Variants in ARL3 observed in about 807,000 individuals in gnomAD.
ARL3 encodes ADP-ribosylation factor-like protein 3.
Under a neutral mutation model 26.0 loss-of-function variants are expected in ARL3, and 9 were observed. The observed-to-expected ratio is 0.35, with a 90% CI of 0.21 to 0.60. The LOEUF (loss-of-function observed/expected upper bound fraction) is 0.60. ARL3 is among the 20% of genes least tolerant of loss of function. ARL3 has a pLI of 0.78. For synonymous variants in ARL3, 71 were observed against 78.4 expected (o/e 0.91, Z 0.50); for missense variants, 158 against 215.7 (o/e 0.73, Z 1.67).
chr10:102,705,539 T>C (rs1426154779), intron 1 of ARL3, 50 bp from the exon 2 acceptor site: 1 of 1,467,752 alleles, frequency 6.8e-7, no homozygotes, highest in African/African-American at 1.4e-5. Context: ...CTGACTGTGA[T>C]ATTAACTGGA....
chr10:102,676,734 C>T lies in ARL3; in HGVS notation c.*160G>A, dbSNP rs2064132586. 1.5e-6 allele frequency: 1 copy of T among 682,730 alleles called. No individual in the cohort carries two copies. Among genetic ancestry groups the T allele is most frequent in the Non-Finnish European group, 2.5e-6 (1 of 392,814 alleles). The allele number at this position is 682,730 out of a possible 1,614,324, so 42.3% of individuals were successfully genotyped here. ...GAACCTCAGAGATCAGTTAAATCTA[C>T]TGCTGGAATGGGGATTCTTTCTAAA... is the stretch of plus-strand genomic sequence containing the variant. On this transcript the variant is annotated 3_prime_UTR_variant, in exon 6 of 6. Transcript: ENST00000260746.
chr10:102,701,350 C>T (rs562418433), intron 2 of ARL3, among the ~76,000 whole-genome samples: 2 of 152,148 alleles, frequency 1.3e-5, no homozygotes, highest in Non-Finnish European at 2.9e-5. Flanking sequence ...ATGTGGTAGC[C>T]TGTCAACACT....
chr10:102,682,228 A>C (rs2064158905), intron 5 of ARL3, among the ~76,000 whole-genome samples: 1 of 152,134 alleles, frequency 6.6e-6, no homozygotes, highest in Non-Finnish European at 1.5e-5. Context: ...ACTCCCCTGG[A>C]CAGTGGGCCT....
intron 5 of ARL3, 99 bp downstream of exon 5, chr10:102,685,717 A>C (rs941029240): frequency 1.6e-5 from 20 of 1,269,864 alleles, no homozygotes; most frequent in Non-Finnish European, 2.2e-5. Flanking sequence ...CATATCTTGG[A>C]ATGGCTCATC....
In ARL3 at chr10:102,685,727, C is replaced by A; in HGVS notation, c.501+89G>T. 4 of 1,354,970 alleles carry A rather than the reference C, an allele frequency of 3.0e-6. No individual in the cohort carries two copies. In the South Asian group the frequency reaches 5.8e-5, roughly 20 times the overall value. The allele number at this position is 1,354,970 out of a possible 1,614,324, so 83.9% of individuals were successfully genotyped here. On this transcript the variant is annotated intron_variant, in intron 5 of 5. Transcript: ENST00000260746. ...CCCTTCATATCTTGGAATGGCTCATCTGCCCATCAAGATCAGCCCAACCAA... is the reference window on the plus strand; with the variant it reads ...CCCTTCATATCTTGGAATGGCTCATATGCCCATCAAGATCAGCCCAACCAA...
At chr10:102,712,429 A>C (rs1304574399) in intron 1 of ARL3, among the ~76,000 whole-genome samples, 3 of 152,248 alleles carry the variant, frequency 2.0e-5, no homozygotes, top group Non-Finnish European at 4.4e-5. Flanking sequence ...AAACCAGATA[A>C]AGAATCCGGA....
At position 102,675,813 on chromosome 10, in the gene ARL3, C is replaced by T. The variant is rs1395458978; in HGVS notation, c.*1081G>A. The T allele has an allele frequency of 3.9e-5, 6 of 152,536 alleles. No homozygotes were observed. Among genetic ancestry groups the T allele is most frequent in the Admixed American group, 3.9e-4 (6 of 15,274 alleles). 9.4% of individuals were successfully genotyped at this position (152,536 alleles called of 1,614,324 possible). Reference sequence around the variant, plus strand: ...AAACCCTCTCCATCCAGGAGCATCCCACACCACCAAGTTGCCAGCACTGTA... The same window carrying T: ...AAACCCTCTCCATCCAGGAGCATCCTACACCACCAAGTTGCCAGCACTGTA... On this transcript the variant is annotated 3_prime_UTR_variant, in exon 6 of 6. Transcript: ENST00000260746.
chr10:102,714,306 C>T lies in ARL3; in HGVS notation c.-31G>A. ...CGCCGAGTCCCTCCTCCTCCTCCTC[C>T]TCCTGCTGCCTCCCCCGTTACCAGG... is the stretch of plus-strand genomic sequence containing the variant. On this transcript the variant is annotated 5_prime_UTR_variant, in exon 1 of 6. Coordinates refer to ENST00000260746, the MANE Select transcript of ARL3 (RefSeq NM_004311.4). 5 of 1,309,508 alleles carry T rather than the reference C, an allele frequency of 3.8e-6. No homozygotes were observed. The Middle Eastern group carries it at 6.3e-4, about 164-fold the overall frequency. 81.1% of individuals were successfully genotyped at this position (1,309,508 alleles called of 1,614,324 possible). A position where few individuals can be genotyped will look rare whatever the true frequency, so the allele number is the denominator to read the frequency against.
At position 102,704,896 on chromosome 10, in the gene ARL3, G is replaced by GCAGCC. The variant is rs1367136961; in HGVS notation, c.147+449_147+450insGGCTG. On this transcript the variant is annotated intron_variant, in intron 2 of 5. Coordinates refer to ENST00000260746, the MANE Select transcript of ARL3 (RefSeq NM_004311.4). ...TGAAGCCCAGTGGGATGCAGATGCT[G>GCAGCC]CAGTGGGGTGGCCTGATGAAGTGGG... 2.2e-3 allele frequency among the ~76,000 whole-genome samples: 333 copies of GCAGCC among 152,294 alleles called. 7 individuals carry two copies. In the East Asian group the frequency reaches 0.048, roughly 22 times the overall value.
At chr10:102,686,501 T>C (rs1384828099) in intron 4 of ARL3, among the ~76,000 whole-genome samples, 2 of 150,556 alleles carry the variant, frequency 1.3e-5, no homozygotes, top group Non-Finnish European at 3.0e-5. Context: ...TCTCGCTCTG[T>C]CGCCCAGGCT....
chr10:102,705,558 T>A (rs961657152), intron 1 of ARL3, 69 bp from the exon 2 acceptor site: 1 of 1,378,658 alleles, frequency 7.3e-7, no homozygotes, highest in Non-Finnish European at 9.6e-7. Context: ...GATATGAGAA[T>A]AACTTCTCCT....
chr10:102,694,734 T>C (rs2064238245), intron 3 of ARL3, among the ~76,000 whole-genome samples: 1 of 152,172 alleles, frequency 6.6e-6, no homozygotes, highest in South Asian at 2.1e-4. Context: ...TCTTTTTTTT[T>C]TGAGACGGAG....
In ARL3 at chr10:102,676,643, G is replaced by T. The variant is rs1187665093; in HGVS notation, c.*251C>A. ...CTCATTTTCTAATCATGTGCTTTGA[G>T]ACATTTAATACTATTTCAATTATGC... On this transcript the variant is annotated 3_prime_UTR_variant, in exon 6 of 6. Transcript: ENST00000260746. 3 of 344,442 alleles carry T rather than the reference G, an allele frequency of 8.7e-6. No individual in the cohort carries two copies. Among genetic ancestry groups the T allele is most frequent in the East Asian group, 1.2e-4 (2 of 17,192 alleles). The allele number at this position is 344,442 out of a possible 1,614,324, so 21.3% of individuals were successfully genotyped here.
intron 3 of ARL3, among the ~76,000 whole-genome samples, chr10:102,696,605 T>C (rs779158881): frequency 6.6e-6 from 1 of 152,196 alleles, no homozygotes; most frequent in Non-Finnish European, 1.5e-5. Context: ...CTCACGGAGC[T>C]TACCTTACAG....
At chr10:102,685,290 C>T (rs924060087) in intron 5 of ARL3, among the ~76,000 whole-genome samples, 6 of 148,600 alleles carry the variant, frequency 4.0e-5, no homozygotes, top group African/African-American at 1.5e-4. Context: ...CCTGCTTTTC[C>T]GGTACACAGT....
At chr10:102,702,500 T>C (rs4917981) in intron 2 of ARL3, among the ~76,000 whole-genome samples, 152,039 of 152,312 alleles carry the variant, frequency 1, 75,883 homozygotes, top group East Asian at 1. Flanking sequence ...ATATCAGAGT[T>C]ACCTATAACA....
chr10:102,691,815 G>T (rs552358509), intron 3 of ARL3, among the ~76,000 whole-genome samples: 4 of 152,244 alleles, frequency 2.6e-5, no homozygotes, highest in African/African-American at 4.8e-5. Flanking sequence ...ACCAACAATG[G>T]AAGACTATTA....
At chr10:102,712,328 C>G (rs539097690) in intron 1 of ARL3, among the ~76,000 whole-genome samples, 1 of 152,264 alleles carries the variant, frequency 6.6e-6, no homozygotes, top group East Asian at 1.9e-4. Context: ...ATGGGATACA[C>G]TTAAGTCACA....
intron 3 of ARL3, among the ~76,000 whole-genome samples, chr10:102,693,446 A>G (rs1467121932): frequency 1.3e-5 from 2 of 152,186 alleles, no homozygotes; most frequent in African/African-American, 4.8e-5. Flanking sequence ...CCATAATGAC[A>G]TATAATACTG....
Sources: allele counts gnomAD v4.1 joint callset (sites outside exome capture counted in the v4.1 genomes callset), GRCh38; gene constraint gnomAD v4.1.1; transcripts MANE v1.5; gene names NCBI Gene and HGNC (gene_info 2026-07-23, HGNC 2026-07-21).